HSD17B6: variants seen among roughly 807,000 people sequenced by gnomAD.
The protein encoded by HSD17B6 is hydroxysteroid 17-beta dehydrogenase 6, also known as 17-beta-hydroxysteroid dehydrogenase type 6.
Under a neutral mutation model 26.4 loss-of-function variants are expected in HSD17B6, and 16 were observed. The ratio of observed to expected loss-of-function variants is 0.61; its 90% CI spans 0.41 to 0.92. HSD17B6 has a LOEUF of 0.92. Among genes scored for constraint, HSD17B6 ranks in the 40% least tolerant of loss-of-function variants. HSD17B6 has a pLI of 0.00. For synonymous variants in HSD17B6, 139 were observed against 153.0 expected (o/e 0.91, Z 0.68); for missense variants, 357 against 386.1 (o/e 0.92, Z 0.63).
intron 2 of HSD17B6, among the ~76,000 whole-genome samples, chr12:56,774,672 G>A (rs1954552614): frequency 6.6e-6 from 1 of 152,216 alleles, no homozygotes; most frequent in African/African-American, 2.4e-5. Flanking sequence ...TCCCATCTGG[G>A]GGTGATAAGA....
At chr12:56,771,448 ATTTTTTTTT>A (rs35374137) in intron 1 of HSD17B6, among the ~76,000 whole-genome samples, 4 of 93,328 alleles carry the variant, frequency 4.3e-5, no homozygotes, top group Admixed American at 1.3e-4. Flanking sequence ...AAGGGTTGCA[ATTTTTTTTT>A]TTTTTTTTTT....
chr12:56,787,034 G>A, intron 4 of HSD17B6, 91 bp from the exon 5 acceptor site: 1 of 935,026 alleles, frequency 1.1e-6, no homozygotes, highest in Non-Finnish European at 1.7e-6. Context: ...CTATTTTGTA[G>A]AAATTAGATG....
chr12:56,782,124 C>A lies in HSD17B6; in HGVS notation c.464C>A (p.Ala155Glu). Residue 155 changes from alanine to glutamate, a missense_variant, in exon 3 of 5, where the codon GCA (alanine) becomes GAA (glutamate). Ala to Glu is a moderately radical substitution (Grantham distance 107). Transcript: ENST00000322165. ...TLSMLPLVRR[A>E]RGRIVNVSSI... The stretch of plus-strand genomic sequence containing the variant: ...AGCATGCTTCCTTTGGTGAGGAGAG[C>A]ACGGGGAAGAATTGTCAATGTCTCC... 2 of 1,614,134 alleles carry A rather than the reference C, an allele frequency of 1.2e-6. No individual in the cohort carries two copies. Among genetic ancestry groups the A allele is most frequent in the Non-Finnish European group, 1.7e-6 (2 of 1,180,032 alleles).
At chr12:56,781,927 A>AT (rs1336033621) in intron 2 of HSD17B6, 47 bp from the exon 3 acceptor site, 2 of 1,587,752 alleles carry the variant, frequency 1.3e-6, no homozygotes, top group East Asian at 2.2e-5. Context: ...AAAATAGAGT[A>AT]TTTTTGCCTG....
Position 56,787,438 on chromosome 12 carries a change from A to G in HSD17B6, c.*96A>G. ...TTTAGAACCCAGGCTTTTTGTAACA[A>G]TGTGTTTTCTTGCCTAAATTCATTT... On this transcript the variant is annotated 3_prime_UTR_variant, in exon 5 of 5. Transcript: ENST00000322165. 4 of 773,270 alleles carry G rather than the reference A, an allele frequency of 5.2e-6. No individual in the cohort carries two copies. The allele number at this position is 773,270 out of a possible 1,614,324, so 47.9% of individuals were successfully genotyped here.
rs1355430299 is a variant in HSD17B6, at chr12:56,774,154, T to A, written c.302T>A (p.Val101Glu). ...GCTACTCAGTGGGTGAAGGAGCATG[T>A]GGGGGACAGAGGTATGAAATATTTT... is the stretch of plus-strand genomic sequence containing the variant. ...AAATQWVKEH[V>E]GDRGLWGLVN... The change falls in exon 2 of 5, where the codon GTG becomes GAG. Residue 101 changes from valine (V) to glutamate (E), a missense_variant. By Grantham distance (121) the Val-to-Glu change is moderately radical (BLOSUM62 -2). Transcript: ENST00000322165. 6 of 1,567,642 alleles carry A rather than the reference T, an allele frequency of 3.8e-6. No homozygotes were observed. Among genetic ancestry groups the A allele is most frequent in the African/African-American group, 2.7e-5 (2 of 73,762 alleles).
intron 3 of HSD17B6, among the ~76,000 whole-genome samples, chr12:56,782,851 G>A (rs1404045517): frequency 6.6e-6 from 1 of 151,896 alleles, no homozygotes; most frequent in Non-Finnish European, 1.5e-5. Flanking sequence ...CTCTTAACGA[G>A]CATGCTGCCT....
intron 2 of HSD17B6, among the ~76,000 whole-genome samples, chr12:56,777,545 G>C (rs919722854): frequency 6.6e-6 from 1 of 151,818 alleles, no homozygotes; most frequent in Non-Finnish European, 1.5e-5. Context: ...TGTATTTTTA[G>C]TAGAGCTGGG....
intron 2 of HSD17B6, among the ~76,000 whole-genome samples, chr12:56,779,636 A>C (rs1016909299): frequency 1.1e-4 from 16 of 152,174 alleles, no homozygotes; most frequent in African/African-American, 3.6e-4. Flanking sequence ...GGTTTATCAA[A>C]TGTAAAATTA....
chr12:56,782,246 A>G lies in HSD17B6; in HGVS notation c.572+14A>G, dbSNP rs754357466. 1.9e-6 allele frequency: 3 copies of G among 1,611,216 alleles called. No homozygotes were observed. In the South Asian group the frequency reaches 3.3e-5, roughly 18 times the overall value. ...AGATATTCTGAGGTAACTTAAGTTA[A>G]AACAAAAACAGCTATTGAGCACTGA... On this transcript the variant is annotated intron_variant, in intron 3 of 4. Transcript: ENST00000322165.
intron 1 of HSD17B6, among the ~76,000 whole-genome samples, chr12:56,772,849 G>A (rs904084546): frequency 3.3e-5 from 5 of 152,158 alleles, no homozygotes; most frequent in Admixed American, 6.6e-5. Flanking sequence ...AGAGTAGGAT[G>A]CAAGAGAGAA....
chr12:56,784,304 A>C (rs1206988437), intron 3 of HSD17B6, among the ~76,000 whole-genome samples: 1 of 151,746 alleles, frequency 6.6e-6, no homozygotes, highest in Non-Finnish European at 1.5e-5. Context: ...CAATCTCGGC[A>C]TTTTGGGAGG....
intron 2 of HSD17B6, among the ~76,000 whole-genome samples, chr12:56,780,300 C>G (rs1193054290): frequency 6.6e-6 from 1 of 152,196 alleles, no homozygotes; most frequent in Non-Finnish European, 1.5e-5. Flanking sequence ...TAAATAGTGA[C>G]TTCTCTTAAA....
In HSD17B6 at chr12:56,784,941, G is replaced by C. The variant is rs774465169; in HGVS notation, c.661G>C (p.Glu221Gln). 3 of 1,614,052 alleles carry C rather than the reference G, an allele frequency of 1.9e-6. No homozygotes were observed. Among genetic ancestry groups the C allele is most frequent in the South Asian group, 1.1e-5 (1 of 91,078 alleles). ...TGMTNMTQSL[E>Q]RMKQSWKEAP... The stretch of plus-strand genomic sequence containing the variant: ...AATGACAAACATGACACAGTCCTTA[G>C]AGCGAATGAAGCAAAGTTGGAAAGA... The change falls in exon 4 of 5, where the codon GAG (glutamate) becomes CAG (glutamine). Residue 221 changes from glutamate (E) to glutamine (Q), a missense_variant. Transcript: ENST00000322165.
intron 2 of HSD17B6, among the ~76,000 whole-genome samples, chr12:56,778,724 G>C (rs1954646513): frequency 6.7e-6 from 1 of 148,696 alleles, no homozygotes; most frequent in African/African-American, 2.5e-5. Context: ...GCCCAGGCTG[G>C]AGTGCAGTGG....
In HSD17B6 at chr12:56,787,268, C is replaced by G. The variant is rs765152837; in HGVS notation, c.880C>G (p.Leu294Val). 5 of 1,614,128 alleles carry G rather than the reference C, an allele frequency of 3.1e-6. No homozygotes were observed. The highest frequency in any genetic ancestry group is 3.4e-6 in the Non-Finnish European group (4 of 1,179,982). ...GWDAKFFFIPLSYLPTSLADY... is the reference protein window; with the variant it reads ...GWDAKFFFIPVSYLPTSLADY... ...GGATGCTAAATTTTTCTTCATCCCT[C>G]TATCTTATTTACCTACATCACTGGC... The change falls in exon 5 of 5, where the codon CTA becomes GTA. Residue 294 changes from leucine to valine, a missense_variant. Coordinates refer to ENST00000322165, the MANE Select transcript of HSD17B6 (RefSeq NM_003725.4).
chr12:56,777,732 T>C (rs10459247), intron 2 of HSD17B6, among the ~76,000 whole-genome samples: 32,085 of 152,094 alleles, frequency 0.21, 3,607 homozygotes, highest in Middle Eastern at 0.3. Context: ...TAAAAAAATT[T>C]TGAAAATCTA....
intron 1 of HSD17B6, among the ~76,000 whole-genome samples, chr12:56,771,655 G>A (rs1592360318): frequency 6.6e-6 from 1 of 151,904 alleles, no homozygotes; most frequent in Admixed American, 6.6e-5. Flanking sequence ...ATGCGGTTTC[G>A]CCATGTTGAC....
At chr12:56,774,907 G>T (rs1289969282) in intron 2 of HSD17B6, among the ~76,000 whole-genome samples, 1 of 152,208 alleles carries the variant, frequency 6.6e-6, no homozygotes, top group African/African-American at 2.4e-5. Context: ...TGTGTGGCCT[G>T]GTTTCTAACA....
Sources: allele counts gnomAD v4.1 joint callset (sites outside exome capture counted in the v4.1 genomes callset), GRCh38; gene constraint gnomAD v4.1.1; transcripts MANE v1.5; gene names NCBI Gene and HGNC (gene_info 2026-07-23, HGNC 2026-07-21).